COL12A1: variants seen among roughly 807,000 people sequenced by gnomAD.
The protein encoded by COL12A1 is collagen alpha-1(XII) chain.
In COL12A1, 114 loss-of-function variants were observed where a neutral mutation model predicts 349.7. The ratio of observed to expected loss-of-function variants is 0.33; its 90% CI spans 0.28 to 0.38. The LOEUF is 0.38. Among genes scored for constraint, COL12A1 ranks in the 10% least tolerant of loss-of-function variants. COL12A1 has a pLI of 1.00. For missense variants in COL12A1, 3,284 were observed against 3,756.9 expected (o/e 0.87, Z 3.29); for synonymous variants, 1,369 against 1,329.0 (o/e 1.03, Z -0.66).
chr6:75,202,694 C>T, intron 2 of COL12A1, 26 bp downstream of exon 2: 1 of 1,547,724 alleles, frequency 6.5e-7, no homozygotes, highest in Middle Eastern at 1.7e-4. Context: ...CATTGTCACT[C>T]GGTGAAGGGG....
Position 75,155,789 on chromosome 6 carries a change from T to C in COL12A1, c.3316A>G (p.Thr1106Ala). The C allele has an allele frequency of 6.2e-7, 1 of 1,613,546 alleles. No homozygotes were observed. Among genetic ancestry groups the C allele is most frequent in the Non-Finnish European group, 8.5e-7 (1 of 1,179,654 alleles). The change falls in exon 16 of 66, where the codon ACT becomes GCT. Residue 1106 changes from threonine to alanine, a missense_variant. Thr to Ala is a moderately conservative substitution (Grantham distance 58, BLOSUM62 0). This residue lies in a region of COL12A1 where 2,601 missense variants were observed against 2,824.8 expected (regional missense o/e 0.92). Coordinates refer to ENST00000322507, the MANE Select transcript of COL12A1 (RefSeq NM_004370.6). The stretch of plus-strand genomic sequence containing the variant: ...ACTTCCCCAGGGGCAGGCTCCCAAG[T>C]CACTCGGAAGCTTGACATGGTTGGG... Reference protein sequence around the residue: ...SDPTMSSFRVTWEPAPGEVKG... With the variant: ...SDPTMSSFRVAWEPAPGEVKG...
Position 75,107,206 on chromosome 6 carries a change from A to G in COL12A1, c.8101-710T>C, listed in dbSNP as rs571620226. 3.3e-5 allele frequency among the ~76,000 whole-genome samples: 5 copies of G among 151,948 alleles called. No individual in the cohort carries two copies. The South Asian group carries it at 1.0e-3, about 32-fold the overall frequency. On this transcript the variant is annotated intron_variant, in intron 52 of 65. Transcript: ENST00000322507. Reference sequence around the variant, plus strand: ...GGTGCCCAGCCTTGTGTTATTTTTTAAGAGAATATTAATTTCTATAATTAA... The same window carrying G: ...GGTGCCCAGCCTTGTGTTATTTTTTGAGAGAATATTAATTTCTATAATTAA...
At chr6:75,109,809 A>C (rs1458768740) in intron 51 of COL12A1, among the ~76,000 whole-genome samples, 2 of 152,128 alleles carry the variant, frequency 1.3e-5, no homozygotes, top group African/African-American at 4.8e-5. Flanking sequence ...ATAGATAATT[A>C]ATAAAATGTT....
intron 36 of COL12A1, 85 bp downstream of exon 36, chr6:75,130,767 C>A (rs1766260658): frequency 3.2e-6 from 5 of 1,542,486 alleles, no homozygotes; most frequent in African/African-American, 2.7e-5. Context: ...TCTCTCACCA[C>A]CCCCCTCCCA....
At chr6:75,157,029 GAATAGGAAACTAACACTTCAAA>G (rs1393122082) in intron 14 of COL12A1, among the ~76,000 whole-genome samples, 1 of 152,054 alleles carries the variant, frequency 6.6e-6, no homozygotes, top group Non-Finnish European at 1.5e-5. Context: ...GAGCACAAAA[GAATAGGAAACTAACACTTCAAA>G]ATATCTCAGG....
chr6:75,161,515 C>T lies in COL12A1; in HGVS notation c.2983+3992G>A, dbSNP rs933411570. Reference sequence around the variant, plus strand: ...ACATTTCATTCCTGCCACGTCTGCTCCTTGTTCAAAAGAGGCCTCCCACAG... The same window carrying T: ...ACATTTCATTCCTGCCACGTCTGCTTCTTGTTCAAAAGAGGCCTCCCACAG... On this transcript the variant is annotated intron_variant, in intron 14 of 65. Coordinates refer to ENST00000322507, the MANE Select transcript of COL12A1 (RefSeq NM_004370.6). Among the ~76,000 whole-genome samples the T allele has an allele frequency of 2.0e-5, 3 of 151,996 alleles. No individual in the cohort carries two copies. The South Asian group carries it at 6.2e-4, about 32-fold the overall frequency.
At chr6:75,127,495 A>G (rs1437831229) in intron 38 of COL12A1, among the ~76,000 whole-genome samples, 1 of 152,174 alleles carries the variant, frequency 6.6e-6, no homozygotes, top group Admixed American at 6.6e-5. Context: ...ACTTAAGTAG[A>G]TTTTTGGTGA....
intron 31 of COL12A1, among the ~76,000 whole-genome samples, 188 bp from the exon 32 acceptor site, chr6:75,135,043 T>G (rs1243222859): frequency 6.6e-6 from 1 of 151,796 alleles, no homozygotes; most frequent in Non-Finnish European, 1.5e-5. Context: ...CCTCAAATCA[T>G]AAAAAGGATT....
chr6:75,186,966 T>C (rs532480953), intron 8 of COL12A1, among the ~76,000 whole-genome samples: 7 of 151,716 alleles, frequency 4.6e-5, no homozygotes, highest in African/African-American at 1.4e-4. Flanking sequence ...CTGGGGCCTA[T>C]TGGAGGGTTG....
intron 17 of COL12A1, among the ~76,000 whole-genome samples, chr6:75,153,394 T>C (rs1349910170): frequency 6.6e-6 from 1 of 152,034 alleles, no homozygotes; most frequent in Admixed American, 6.6e-5. Flanking sequence ...AGAGAAACAA[T>C]AGAACATTAA....
At chr6:75,167,948 GACA>G (rs1768395088) in intron 13 of COL12A1, among the ~76,000 whole-genome samples, 2 of 152,120 alleles carry the variant, frequency 1.3e-5, no homozygotes, top group Admixed American at 1.3e-4. Flanking sequence ...TTAATGGCAT[GACA>G]ACACTATTTT....
At chr6:75,184,829 G>A (rs773380344) in intron 8 of COL12A1, among the ~76,000 whole-genome samples, 1 of 152,144 alleles carries the variant, frequency 6.6e-6, no homozygotes, top group Non-Finnish European at 1.5e-5. Flanking sequence ...GACAGTTAAC[G>A]TAAAGTATTT....
chr6:75,157,980 T>G (rs1767844436), intron 14 of COL12A1, among the ~76,000 whole-genome samples: 1 of 152,160 alleles, frequency 6.6e-6, no homozygotes, highest in Non-Finnish European at 1.5e-5. Flanking sequence ...CAGATCAAAC[T>G]ATTTCCAAGT....
At chr6:75,173,009 C>T (rs1017097848) in intron 13 of COL12A1, among the ~76,000 whole-genome samples, 1 of 152,140 alleles carries the variant, frequency 6.6e-6, no homozygotes, top group Non-Finnish European at 1.5e-5. Context: ...CAATCTGCAG[C>T]CCCCAACCCT....
intron 49 of COL12A1, among the ~76,000 whole-genome samples, chr6:75,115,245 G>C (rs1277176672): frequency 6.6e-6 from 1 of 151,896 alleles, no homozygotes; most frequent in African/African-American, 2.4e-5. Flanking sequence ...TAATGAATAA[G>C]AAATACAGAG....
At chr6:75,152,679 A>G (rs1345209452) in intron 17 of COL12A1, among the ~76,000 whole-genome samples, 197 bp from the exon 18 acceptor site, 1 of 152,176 alleles carries the variant, frequency 6.6e-6, no homozygotes, top group Non-Finnish European at 1.5e-5. Context: ...CTTAAGAGTC[A>G]GCAGTTCCTC....
chr6:75,113,775 A>G, intron 49 of COL12A1, 31 bp from the exon 50 acceptor site: 1 of 1,506,688 alleles, frequency 6.6e-7, no homozygotes, highest in Non-Finnish European at 9.0e-7. Flanking sequence ...AAGAAAAAGG[A>G]GAGGAAAGAA....
At chr6:75,196,039 T>G (rs1304623519) in intron 2 of COL12A1, among the ~76,000 whole-genome samples, 1 of 152,204 alleles carries the variant, frequency 6.6e-6, no homozygotes, top group Non-Finnish European at 1.5e-5. Flanking sequence ...TTTCCCACAA[T>G]GAACAAAAGC....
Position 75,181,217 on chromosome 6 carries a change from T to TAAA in COL12A1, c.1892-9_1892-7dup, listed in dbSNP as rs11347601. On this transcript the variant is annotated splice_polypyrimidine_tract_variant and splice_region_variant and intron_variant, in intron 10 of 65. Transcript: ENST00000322507. ...ATCCTTTGGAGGGACGTAAGCTATT[T>TAAA]AAAAAAAAAAAAAGACAGTTAAAAA... The TAAA allele has an allele frequency of 1.3e-4, 164 of 1,257,052 alleles. No individual in the cohort carries two copies. Among genetic ancestry groups the TAAA allele is most frequent in the South Asian group, 3.8e-4 (27 of 70,660 alleles). 77.9% of individuals were successfully genotyped at this position (1,257,052 alleles called of 1,614,324 possible). A position where few individuals can be genotyped will look rare whatever the true frequency, so the allele number is the denominator to read the frequency against.
Sources: gnomAD v4.1 joint callset for allele counts (sites outside exome capture counted in the v4.1 genomes callset) on GRCh38, gnomAD v4.1.1 for gene constraint, gnomAD v4.1.1 regional missense constraint, MANE v1.5 for transcripts, NCBI Gene and HGNC (gene_info 2026-07-23, HGNC 2026-07-21) for gene names.